The following MEP1B variants were observed in gnomAD, a reference collection of about 807,000 sequenced individuals.
MEP1B encodes the protein N-benzoyl-L-tyrosyl-P-amino-benzoic acid hydrolase subunit beta.
Under a neutral mutation model 84.6 loss-of-function variants are expected in MEP1B, and 80 were observed. The ratio of observed to expected loss-of-function variants is 0.95; its 90% CI spans 0.79 to 1.14. The LOEUF (loss-of-function observed/expected upper bound fraction) is 1.14. Among genes scored for constraint, MEP1B ranks in the 50% most tolerant of loss-of-function variants. The pLI is 0.00. For synonymous variants in MEP1B, 273 were observed against 288.1 expected (o/e 0.95, Z 0.53); for missense variants, 766 against 855.1 (o/e 0.90, Z 1.30).
chr18:32,207,409 C>T lies in MEP1B; in HGVS notation c.705C>T (p.Ile235=), dbSNP rs773064120. ...GAATCTCAGACTTTGAGGATGTGATCGGCCAACGAATGGATTTCAGTGACT... is the reference window on the plus strand; with the variant it reads ...GAATCTCAGACTTTGAGGATGTGATTGGCCAACGAATGGATTTCAGTGACT... ...VTRISDFEDV[I]GQRMDFSDSD... is the part of the protein sequence containing the mutation. Residue 235 remains isoleucine, a synonymous_variant, in exon 8 of 15, where the codon ATC becomes ATT. Coordinates refer to ENST00000269202, the MANE Select transcript of MEP1B (RefSeq NM_005925.3). The T allele has an allele frequency of 1.2e-5, 20 of 1,613,060 alleles. No individual in the cohort carries two copies. The highest frequency in any genetic ancestry group is 3.3e-4 in the Middle Eastern group (2 of 6,084).
At chr18:32,191,925 T>A (rs2040805706) in intron 2 of MEP1B, 85 bp downstream of exon 2, 1 of 785,632 alleles carries the variant, frequency 1.3e-6, no homozygotes, top group Non-Finnish European at 2.1e-6. Flanking sequence ...TACATATGCA[T>A]AATTGATGCA....
rs764489002 is a variant in MEP1B at position 32,191,787 on chromosome 18, T to C, written c.64-35T>C. On this transcript the variant is annotated intron_variant, in intron 1 of 14. Coordinates refer to ENST00000269202, the MANE Select transcript of MEP1B (RefSeq NM_005925.3). ...CCAAGAAGACCATTCCTGGGCATTATAATAATATGTTTTGTTTATGTGTTT... is the reference window on the plus strand; with the variant it reads ...CCAAGAAGACCATTCCTGGGCATTACAATAATATGTTTTGTTTATGTGTTT... The C allele has an allele frequency of 4.9e-6, 7 of 1,424,614 alleles. No homozygotes were observed. The South Asian group carries it at 7.5e-5, about 15-fold the overall frequency. 88.2% of individuals were successfully genotyped at this position (1,424,614 alleles called of 1,614,324 possible). A position where few individuals can be genotyped will look rare whatever the true frequency, so the allele number is the denominator to read the frequency against.
At chr18:32,216,726 A>C (rs1289391855) in intron 12 of MEP1B, among the ~76,000 whole-genome samples, 1 of 152,058 alleles carries the variant, frequency 6.6e-6, no homozygotes, top group Non-Finnish European at 1.5e-5. Context: ...CTAAAATCTG[A>C]TCATTGTCTA....
At position 32,209,352 on chromosome 18, in the gene MEP1B, TG is replaced by T. The variant is rs1423365535; in HGVS notation, c.919+1083del. ...AAATGCAAAAATTAGCTGGGTGTGG[TG>T]GTGCATGTCTGTAGTCCCAGCTAGT... On this transcript the variant is annotated intron_variant, in intron 9 of 14. Transcript: ENST00000269202. Among the ~76,000 whole-genome samples, 4 of 152,110 alleles carry T rather than the reference TG, an allele frequency of 2.6e-5. No homozygotes were observed. The East Asian group carries it at 7.7e-4, about 29-fold the overall frequency.
intron 14 of MEP1B, among the ~76,000 whole-genome samples, chr18:32,218,201 G>GTT (rs2041114019): frequency 6.6e-6 from 1 of 152,196 alleles, no homozygotes; most frequent in South Asian, 2.1e-4. Flanking sequence ...ATTGTGTACA[G>GTT]TTGTGTGTGT....
In MEP1B at chr18:32,217,942, C is replaced by A; in HGVS notation, c.2068C>A (p.Arg690=). The A allele has an allele frequency of 6.2e-7, 1 of 1,613,844 alleles. No individual in the cohort carries two copies. Among genetic ancestry groups the A allele is most frequent in the Non-Finnish European group, 8.5e-7 (1 of 1,179,846 alleles). The change falls in exon 14 of 15, where the codon CGA becomes AGA. Residue 690 remains arginine, a synonymous_variant. Coordinates refer to ENST00000269202, the MANE Select transcript of MEP1B (RefSeq NM_005925.3). Reference sequence around the variant, plus strand: ...ATATCGTGAAAGGATGAGCTCAAATCGACCAAATTTGACTCCGCAAAATGT... The same window carrying A: ...ATATCGTGAAAGGATGAGCTCAAATAGACCAAATTTGACTCCGCAAAATGT... ...KKYRERMSSN[R]PNLTPQNQHA...
At chr18:32,217,998 C>T (rs777745935) in intron 14 of MEP1B, 33 bp downstream of exon 14, 1 of 1,595,218 alleles carries the variant, frequency 6.3e-7, no homozygotes, top group East Asian at 2.2e-5. Flanking sequence ...TTATTCATAA[C>T]CTATTGGTGA....
chr18:32,207,974 G>T, intron 8 of MEP1B, 145 bp from the exon 9 acceptor site: 1 of 741,894 alleles, frequency 1.3e-6, no homozygotes, highest in East Asian at 2.5e-5. Flanking sequence ...AATAAAGAGG[G>T]ATCTTTAAGC....
intron 8 of MEP1B, 105 bp from the exon 9 acceptor site, chr18:32,208,014 C>T: frequency 1.7e-6 from 2 of 1,159,506 alleles, no homozygotes; most frequent in Non-Finnish European, 2.5e-6. Flanking sequence ...CTAGGTGTTC[C>T]CTGTAATACC....
intron 9 of MEP1B, 102 bp from the exon 10 acceptor site, chr18:32,210,399 T>C: frequency 2.1e-6 from 2 of 938,464 alleles, no homozygotes; most frequent in Non-Finnish European, 3.2e-6. Flanking sequence ...TATATATGGA[T>C]GTTACTTATG....
intron 14 of MEP1B, among the ~76,000 whole-genome samples, chr18:32,219,583 C>G (rs79342497): frequency 2.9e-3 from 435 of 152,134 alleles, no homozygotes; most frequent in Non-Finnish European, 4.9e-3. Context: ...GACAAGTTAA[C>G]TGGGTGGATG....
chr18:32,202,291 C>T (rs1287968563), intron 5 of MEP1B, among the ~76,000 whole-genome samples: 1 of 152,186 alleles, frequency 6.6e-6, no homozygotes, highest in East Asian at 1.9e-4. Context: ...CATGTTGTTT[C>T]TTCCACACCT....
At chr18:32,211,475 T>C (rs2041027108) in intron 10 of MEP1B, among the ~76,000 whole-genome samples, 1 of 152,144 alleles carries the variant, frequency 6.6e-6, no homozygotes, top group South Asian at 2.1e-4. Context: ...TCAGAATGGC[T>C]GTCTTTATAA....
At chr18:32,191,558 C>A (rs1024599052) in intron 1 of MEP1B, among the ~76,000 whole-genome samples, 3 of 151,944 alleles carry the variant, frequency 2.0e-5, no homozygotes, top group Non-Finnish European at 4.4e-5. Context: ...CTTTTCCCCC[C>A]CAATTTTTGA....
At chr18:32,199,704 C>CTTCCTTCCTTCCTTCCTTCCTTCCT (rs1467871025) in intron 5 of MEP1B, among the ~76,000 whole-genome samples, 73 of 141,792 alleles carry the variant, frequency 5.1e-4, no homozygotes, top group African/African-American at 1.9e-3. Context: ...TCCTTCCTTC[C>CTTCCTTCCTTCCTTCCTTCCTTCCT]TTCCTTCTTT....
chr18:32,216,435 C>T (rs2041090453), intron 12 of MEP1B, among the ~76,000 whole-genome samples: 1 of 152,232 alleles, frequency 6.6e-6, no homozygotes, highest in Non-Finnish European at 1.5e-5. Flanking sequence ...CACTTGGTGT[C>T]TTGCTCCAAA....
At chr18:32,209,057 A>G (rs2040995177) in intron 9 of MEP1B, among the ~76,000 whole-genome samples, 1 of 152,204 alleles carries the variant, frequency 6.6e-6, no homozygotes, top group Admixed American at 6.5e-5. Context: ...TCTGTTTTTG[A>G]AAACTAATTT....
intron 14 of MEP1B, among the ~76,000 whole-genome samples, chr18:32,218,664 G>C (rs969445996): frequency 6.6e-6 from 1 of 152,192 alleles, no homozygotes. Flanking sequence ...GGAATGTGAT[G>C]TGGTTGCAGC....
chr18:32,190,518 G>A (rs1173695888), intron 1 of MEP1B, among the ~76,000 whole-genome samples: 2 of 152,120 alleles, frequency 1.3e-5, no homozygotes, highest in Admixed American at 1.3e-4. Flanking sequence ...TTATAACGTG[G>A]TATTTCTCTT....
Sources: gnomAD v4.1 joint callset for allele counts (sites outside exome capture counted in the v4.1 genomes callset) on GRCh38, gnomAD v4.1.1 for gene constraint, MANE v1.5 for transcripts, NCBI Gene and HGNC (gene_info 2026-07-23, HGNC 2026-07-21) for gene names.